The following SYT1 variants were observed in gnomAD, a reference collection of about 807,000 sequenced individuals.
SYT1 encodes the protein synaptotagmin 1.
SYT1 carries 8 observed loss-of-function variants against 44.8 expected under a neutral mutation model. The observed-to-expected ratio is 0.18, with a 90% CI of 0.10 to 0.32. The LOEUF (loss-of-function observed/expected upper bound fraction) is 0.32. Ranked by LOEUF, SYT1 falls within the 10% of genes least tolerant of loss-of-function variation. SYT1 has a pLI of 1.00. For synonymous variants in SYT1, 154 were observed against 188.8 expected (o/e 0.82, Z 1.51); for missense variants, 286 against 509.3 (o/e 0.56, Z 4.22).
At chr12:79,072,958 A>C (rs1748108989) in intron 3 of SYT1, among the ~76,000 whole-genome samples, 1 of 152,146 alleles carries the variant, frequency 6.6e-6, no homozygotes, top group South Asian at 2.1e-4. Context: ...TAGATAAACA[A>C]CAAATAAATT....
chr12:79,444,417 A>G (rs985038396), intron 10 of SYT1, among the ~76,000 whole-genome samples: 1 of 152,182 alleles, frequency 6.6e-6, no homozygotes, highest in Non-Finnish European at 1.5e-5. Flanking sequence ...AACAGCTGGC[A>G]CTGTGTTGAG....
intron 3 of SYT1, among the ~76,000 whole-genome samples, chr12:79,071,839 C>T (rs1356007542): frequency 6.6e-6 from 1 of 152,114 alleles, no homozygotes; most frequent in East Asian, 1.9e-4. Context: ...AATGACTTCA[C>T]CTTAATTACA....
chr12:79,373,086 C>A (rs1228022450), intron 9 of SYT1, among the ~76,000 whole-genome samples: 1 of 152,110 alleles, frequency 6.6e-6, no homozygotes, highest in Non-Finnish European at 1.5e-5. Flanking sequence ...GGAGTATAGG[C>A]AATTCTTTTC....
intron 3 of SYT1, among the ~76,000 whole-genome samples, chr12:79,149,309 A>C (rs1870118941): frequency 6.6e-6 from 1 of 152,102 alleles, no homozygotes; most frequent in Admixed American, 6.6e-5. Context: ...TGAAAATATT[A>C]CTTAAAATAT....
chr12:79,195,390 T>A (rs1352267953), intron 3 of SYT1, among the ~76,000 whole-genome samples: 2 of 152,222 alleles, frequency 1.3e-5, no homozygotes, highest in East Asian at 3.9e-4. Flanking sequence ...GCTATTTATT[T>A]TTTAAAGAAA....
At chr12:79,264,131 A>G (rs1361851903) in intron 4 of SYT1, among the ~76,000 whole-genome samples, 1 of 151,946 alleles carries the variant, frequency 6.6e-6, no homozygotes, top group Non-Finnish European at 1.5e-5. Flanking sequence ...CCTTAAATTT[A>G]CCATCTATGA....
chr12:79,278,031 T>A (rs1878832334), intron 4 of SYT1, among the ~76,000 whole-genome samples: 1 of 151,902 alleles, frequency 6.6e-6, no homozygotes, highest in African/African-American at 2.4e-5. Context: ...CTACCAGACC[T>A]AAGAAAAGAG....
intron 4 of SYT1, among the ~76,000 whole-genome samples, chr12:79,276,668 C>A (rs1409789619): frequency 2.7e-5 from 4 of 146,700 alleles, no homozygotes; most frequent in African/African-American, 1.0e-4. Context: ...GAGCAAGACT[C>A]CATCAAAAAA....
At chr12:79,377,020 G>A (rs995831098) in intron 9 of SYT1, among the ~76,000 whole-genome samples, 85 of 152,028 alleles carry the variant, frequency 5.6e-4, no homozygotes, top group Admixed American at 5.0e-3. Flanking sequence ...TCATTCATTC[G>A]TTCAACAAGT....
intron 2 of SYT1, among the ~76,000 whole-genome samples, chr12:78,991,927 A>G (rs1309218764): frequency 6.6e-6 from 1 of 152,128 alleles, no homozygotes; most frequent in Non-Finnish European, 1.5e-5. Context: ...TTACATGAAG[A>G]GCTATTATTT....
At chr12:79,191,938 ATAAAAAAGGTTCCTT>A (rs1030214202) in intron 3 of SYT1, among the ~76,000 whole-genome samples, 6 of 152,168 alleles carry the variant, frequency 3.9e-5, no homozygotes, top group African/African-American at 1.4e-4. Flanking sequence ...CCTGAAAAAA[ATAAAAAAGGTTCCTT>A]TAAGTGGTGA....
chr12:79,384,385 A>G (rs377503357), intron 9 of SYT1, among the ~76,000 whole-genome samples: 1 of 152,236 alleles, frequency 6.6e-6, no homozygotes, highest in African/African-American at 2.4e-5. Flanking sequence ...TGTAATTCTT[A>G]GATATCAAAA....
intron 2 of SYT1, among the ~76,000 whole-genome samples, chr12:78,992,105 G>A (rs1870059564): frequency 2.6e-5 from 4 of 152,146 alleles, no homozygotes. Context: ...AAAAGGAACA[G>A]TGCCTTCTTT....
At chr12:79,126,551 A>G (rs1362669442) in intron 3 of SYT1, among the ~76,000 whole-genome samples, 1 of 152,068 alleles carries the variant, frequency 6.6e-6, no homozygotes, top group Non-Finnish European at 1.5e-5. Context: ...GAGCCACCAT[A>G]CCCGGCCAAA....
At chr12:79,087,868 T>C (rs1377752830) in intron 3 of SYT1, among the ~76,000 whole-genome samples, 2 of 152,120 alleles carry the variant, frequency 1.3e-5, no homozygotes, top group Non-Finnish European at 2.9e-5. Context: ...TTTCCTGCTT[T>C]CAACTGTTCA....
At chr12:79,405,108 T>TATC (rs1416913290) in intron 9 of SYT1, among the ~76,000 whole-genome samples, 6 of 152,224 alleles carry the variant, frequency 3.9e-5, no homozygotes, top group Admixed American at 1.3e-4. Flanking sequence ...GCTAGTGCTC[T>TATC]ATCATTTTTA....
At chr12:79,110,795 A>G (rs1878970040) in intron 3 of SYT1, among the ~76,000 whole-genome samples, 1 of 152,214 alleles carries the variant, frequency 6.6e-6, no homozygotes, top group African/African-American at 2.4e-5. Flanking sequence ...GAAATTAATA[A>G]TAAAGGCTAA....
intron 1 of SYT1, among the ~76,000 whole-genome samples, chr12:78,931,340 GGAAGGAAGGAAGGAAGGAAGGAA>G (rs1877715503): frequency 0.1 from 846 of 8,328 alleles, 19 homozygotes; most frequent in Non-Finnish European, 0.15. Flanking sequence ...AGGGAGGGAA[GGAAGGAAGGAAGGAAGGAAGGAA>G]GGAAGGAAGG....
intron 1 of SYT1, among the ~76,000 whole-genome samples, chr12:78,916,443 A>G (rs982557815): frequency 6.6e-6 from 1 of 151,990 alleles, no homozygotes; most frequent in South Asian, 2.1e-4. Flanking sequence ...TATTCCTTTG[A>G]TAACTTATTT....
Sources: allele counts gnomAD v4.1 joint callset (sites outside exome capture counted in the v4.1 genomes callset), GRCh38; gene constraint gnomAD v4.1.1; transcripts MANE v1.5; gene names NCBI Gene and HGNC (gene_info 2026-07-23, HGNC 2026-07-21).